The following PPEF2 variants were observed in gnomAD, a reference collection of about 807,000 sequenced individuals.
The protein encoded by PPEF2 is serine/threonine-protein phosphatase with EF-hands 2.
Under a neutral mutation model 84.7 loss-of-function variants are expected in PPEF2, and 84 were observed. That is an observed-to-expected ratio of 0.99 (90% CI 0.83 to 1.19). The LOEUF is 1.19. Ranked by LOEUF, PPEF2 falls within the 50% of genes most tolerant of loss-of-function variation. The pLI is 0.00. For synonymous variants in PPEF2, 346 were observed against 345.2 expected, an observed-to-expected ratio of 1.00 and a Z score of -0.03; for missense variants, 924 against 937.5, an observed-to-expected ratio of 0.99 and a Z score of 0.19.
chr4:75,891,028 TA>T, intron 4 of PPEF2, among the ~76,000 whole-genome samples: 1 of 151,806 alleles, frequency 6.6e-6, no homozygotes. Context: ...ACTAAACATA[TA>T]AAAAATCAGC....
At chr4:75,888,085 G>A in intron 6 of PPEF2, 129 bp downstream of exon 6, 1 of 685,174 alleles carries the variant, frequency 1.5e-6, no homozygotes, top group South Asian at 1.7e-5. Flanking sequence ...GCAAATTGTG[G>A]ACCTGAAGGG....
chr4:75,863,223 G>A (rs1724047175), intron 16 of PPEF2, among the ~76,000 whole-genome samples: 1 of 152,022 alleles, frequency 6.6e-6, no homozygotes, highest in South Asian at 2.1e-4. Flanking sequence ...CAGGTGCAGT[G>A]GTTCACGCCT....
At chr4:75,884,524 T>G in intron 8 of PPEF2, 70 bp downstream of exon 8, 2 of 1,446,184 alleles carry the variant, frequency 1.4e-6, no homozygotes, top group Non-Finnish European at 1.9e-6. Flanking sequence ...AAATAAGAAG[T>G]TCTGGAGAAA....
intron 2 of PPEF2, among the ~76,000 whole-genome samples, chr4:75,893,998 A>G (rs1724952634): frequency 6.6e-6 from 1 of 152,294 alleles, no homozygotes; most frequent in African/African-American, 2.4e-5. Flanking sequence ...TAATAGCACA[A>G]TGCAAAAATG....
Position 75,890,082 on chromosome 4 carries a change from C to A in PPEF2, c.292G>T (p.Glu98Ter). Reference sequence around the variant, plus strand: ...TCATAGTCACTGCATTTCTTCATCTCGGAGTCCTGGGCGAATCTGTCCTCA... The same window carrying A: ...TCATAGTCACTGCATTTCTTCATCTAGGAGTCCTGGGCGAATCTGTCCTCA... ...FTEDRFAQDS[E>*]MKKCSDYESI... The change falls in exon 5 of 17, where the codon GAG (glutamate) becomes TAG (stop). Residue 98 changes from glutamate to a stop codon, truncating the protein, a stop_gained. Coordinates refer to ENST00000286719, the MANE Select transcript of PPEF2 (RefSeq NM_006239.3). LOFTEE classifies it high-confidence loss of function. 1 of 1,614,078 alleles carries A rather than the reference C, an allele frequency of 6.2e-7. No homozygotes were observed. The highest frequency in any genetic ancestry group is 8.5e-7 in the Non-Finnish European group (1 of 1,180,006).
At chr4:75,870,965 G>C (rs554931861) in intron 13 of PPEF2, among the ~76,000 whole-genome samples, 104 of 138,422 alleles carry the variant, frequency 7.5e-4, no homozygotes, top group African/African-American at 2.7e-3. Flanking sequence ...CGCCCAGGCT[G>C]GAGTGCAGTG....
chr4:75,876,065 C>T (rs893839526), intron 11 of PPEF2, among the ~76,000 whole-genome samples: 4 of 152,186 alleles, frequency 2.6e-5, no homozygotes, highest in African/African-American at 9.7e-5. Context: ...CAATCACTAA[C>T]CCAAGTATCA....
At chr4:75,892,008 G>A in intron 2 of PPEF2, 30 bp from the exon 3 acceptor site, 1 of 1,606,520 alleles carries the variant, frequency 6.2e-7, no homozygotes, top group Non-Finnish European at 8.5e-7. Flanking sequence ...GCAAGCCTGT[G>A]AGCTCGGACT....
intron 16 of PPEF2, among the ~76,000 whole-genome samples, chr4:75,863,845 T>C (rs1724065067): frequency 1.3e-5 from 2 of 151,756 alleles, no homozygotes; most frequent in Non-Finnish European, 2.9e-5. Context: ...GATGGTAATA[T>C]AAAGGATATC....
chr4:75,888,107 C>A, intron 6 of PPEF2, 107 bp downstream of exon 6: 2 of 841,566 alleles, frequency 2.4e-6, no homozygotes, highest in Non-Finnish European at 4.0e-6. Context: ...TTAAATTTGG[C>A]TTATCATCAC....
chr4:75,883,295 T>C (rs566587938), intron 8 of PPEF2, 93 bp from the exon 9 acceptor site: 110 of 1,175,914 alleles, frequency 9.4e-5, no homozygotes, highest in Middle Eastern at 8.4e-4. Flanking sequence ...ATTCTGGGTA[T>C]ATGTACTTAA....
intron 13 of PPEF2, among the ~76,000 whole-genome samples, chr4:75,870,588 A>G (rs138052892): frequency 1.1e-3 from 162 of 152,324 alleles, no homozygotes; most frequent in African/African-American, 3.7e-3. Flanking sequence ...TTAGCATCTT[A>G]TATACTCTGA....
chr4:75,891,110 G>C (rs529436053), intron 4 of PPEF2, among the ~76,000 whole-genome samples: 1 of 151,944 alleles, frequency 6.6e-6, no homozygotes, highest in South Asian at 2.1e-4. Flanking sequence ...GAACCCGGGA[G>C]GTAGAGGTTG....
intron 10 of PPEF2, among the ~76,000 whole-genome samples, chr4:75,879,606 T>A (rs1194489366): frequency 6.6e-6 from 1 of 152,206 alleles, no homozygotes; most frequent in Non-Finnish European, 1.5e-5. Flanking sequence ...TTTCTTATAA[T>A]AAAAATTAGA....
intron 6 of PPEF2, 112 bp downstream of exon 6, chr4:75,888,102 T>C (rs1017722932): frequency 3.5e-5 from 27 of 781,634 alleles, no homozygotes; most frequent in Middle Eastern, 3.7e-4. Flanking sequence ...AGGGGTTAAA[T>C]TTGGCTTATC....
rs1724895050 is a variant in PPEF2 at position 75,891,888 on chromosome 4, T to C, written c.146A>G (p.Gln49Arg). Reference sequence around the variant, plus strand: ...TTGCTGCCCAGCATATTCTATAGACTGGAAGATGCTCCAGGTGCAACGCCG... The same window carrying C: ...TTGCTGCCCAGCATATTCTATAGACCGGAAGATGCTCCAGGTGCAACGCCG... ...MRRRCTWSIF[Q>R]SIEYAGQQDQ... The change falls in exon 3 of 17, where the codon CAG becomes CGG. Residue 49 changes from glutamine to arginine, a missense_variant. Physicochemically the swap from Gln to Arg is conservative, Grantham distance 43 (BLOSUM62 1). Coordinates refer to ENST00000286719, the MANE Select transcript of PPEF2 (RefSeq NM_006239.3). 6.2e-7 allele frequency: 1 copy of C among 1,614,090 alleles called. No individual in the cohort carries two copies. Among genetic ancestry groups the C allele is most frequent in the Non-Finnish European group, 8.5e-7 (1 of 1,179,980 alleles).
At chr4:75,865,867 G>A (rs750170178) in intron 15 of PPEF2, among the ~76,000 whole-genome samples, 44 of 152,270 alleles carry the variant, frequency 2.9e-4, no homozygotes, top group Non-Finnish European at 5.9e-4. Context: ...GGGCCTTGAG[G>A]TAAGACAGAC....
At chr4:75,886,247 C>T (rs1190822205) in intron 7 of PPEF2, among the ~76,000 whole-genome samples, 1 of 152,180 alleles carries the variant, frequency 6.6e-6, no homozygotes, top group African/African-American at 2.4e-5. Context: ...CAGTTGGCCT[C>T]GGATAGCCAG....
intron 5 of PPEF2, 118 bp from the exon 6 acceptor site, chr4:75,888,446 T>C: frequency 3.0e-6 from 2 of 675,752 alleles, no homozygotes; most frequent in Non-Finnish European, 5.3e-6. Flanking sequence ...GTAACCCCAG[T>C]AAACTGCTCC....
Sources: allele counts gnomAD v4.1 joint callset (sites outside exome capture counted in the v4.1 genomes callset), GRCh38; gene constraint gnomAD v4.1.1; transcripts MANE v1.5; gene names NCBI Gene and HGNC (gene_info 2026-07-23, HGNC 2026-07-21).